SEC23B: variants seen among roughly 807,000 people sequenced by gnomAD.
SEC23B encodes protein transport protein Sec23B.
Under a neutral mutation model 104.3 loss-of-function variants are expected in SEC23B, and 77 were observed. That is an observed-to-expected ratio of 0.74 (90% CI 0.61 to 0.89). The LOEUF (loss-of-function observed/expected upper bound fraction) is 0.89. Among genes scored for constraint, SEC23B ranks in the 40% least tolerant of loss-of-function variants. SEC23B has a pLI of 0.00. For synonymous variants in SEC23B, 338 were observed against 332.5 expected, an observed-to-expected ratio of 1.02 and a Z score of -0.18; for missense variants, 885 against 949.4, an observed-to-expected ratio of 0.93 and a Z score of 0.89.
chr20:18,522,999 G>A (rs530001564), intron 4 of SEC23B, among the ~76,000 whole-genome samples: 49 of 152,066 alleles, frequency 3.2e-4, no homozygotes, highest in Non-Finnish European at 4.7e-4. Flanking sequence ...CCCAGGAGGT[G>A]GAACTTGCAG....
At chr20:18,522,492 G>A (rs2060092568) in intron 4 of SEC23B, among the ~76,000 whole-genome samples, 1 of 152,206 alleles carries the variant, frequency 6.6e-6, no homozygotes, top group Non-Finnish European at 1.5e-5. Context: ...AGAGTGAAAA[G>A]ACCACTTACC....
intron 19 of SEC23B, among the ~76,000 whole-genome samples, chr20:18,560,232 A>G (rs917044488): frequency 8.5e-5 from 13 of 152,272 alleles, no homozygotes; most frequent in Admixed American, 5.2e-4. Context: ...TGAAATATCC[A>G]TCTGTTCAGT....
chr20:18,559,081 G>C (rs913848977), intron 19 of SEC23B, among the ~76,000 whole-genome samples: 14 of 81,674 alleles, frequency 1.7e-4, no homozygotes, highest in Admixed American at 9.6e-4. Context: ...GGTGGTTGGT[G>C]GGGGGGGTGT....
chr20:18,543,006 C>G lies in SEC23B; in HGVS notation c.1512-13C>G. ...CCTAAACATAAGCATGGCACTAACT[C>G]TGGAATTGTCAGTTGGGCAGATGTA... is the stretch of plus-strand genomic sequence containing the variant. On this transcript the variant is annotated splice_polypyrimidine_tract_variant and intron_variant, in intron 13 of 19. Transcript: ENST00000650089. The G allele has an allele frequency of 6.2e-7, 1 of 1,614,084 alleles. No individual in the cohort carries two copies. The highest frequency in any genetic ancestry group is 2.2e-5 in the East Asian group (1 of 44,882).
intron 4 of SEC23B, among the ~76,000 whole-genome samples, chr20:18,521,768 C>T (rs2060086057): frequency 6.6e-6 from 1 of 152,028 alleles, no homozygotes; most frequent in African/African-American, 2.4e-5. Flanking sequence ...GGGGTGGAGA[C>T]TGAAGGAACA....
At position 18,525,081 on chromosome 20, in the gene SEC23B, G is replaced by A; in HGVS notation, c.689+61G>A. 4.4e-6 allele frequency: 6 copies of A among 1,360,808 alleles called. 1 individual carries two copies. The South Asian group carries it at 4.7e-5, about 11-fold the overall frequency. The allele number at this position is 1,360,808 out of a possible 1,614,324, so 84.3% of individuals were successfully genotyped here. The stretch of plus-strand genomic sequence containing the variant: ...ATGGACATGCAGATGATCCATGGGA[G>A]TAAGGGAAGAAAAATATTAGAATTT... On this transcript the variant is annotated intron_variant, in intron 6 of 19. Transcript: ENST00000650089.
At chr20:18,550,521 C>T (rs563044215) in intron 16 of SEC23B, among the ~76,000 whole-genome samples, 3 of 152,236 alleles carry the variant, frequency 2.0e-5, no homozygotes, top group Non-Finnish European at 2.9e-5. Context: ...TATAGGTATC[C>T]GTATTCTGTC....
chr20:18,508,716 C>CTTCT (rs759744143), intron 1 of SEC23B, among the ~76,000 whole-genome samples: 2 of 97,484 alleles, frequency 2.1e-5, no homozygotes, highest in South Asian at 3.7e-4. Context: ...GCAGTAGCTT[C>CTTCT]TTTTTTTTTT....
At chr20:18,513,361 A>G (rs1339511538) in intron 3 of SEC23B, among the ~76,000 whole-genome samples, 3 of 152,056 alleles carry the variant, frequency 2.0e-5, no homozygotes, top group Non-Finnish European at 4.4e-5. Context: ...AAAAAAAGTA[A>G]CTGTGCCTGT....
chr20:18,542,452 C>A, intron 13 of SEC23B, 50 bp downstream of exon 13: 1 of 1,456,494 alleles, frequency 6.9e-7, no homozygotes, highest in Non-Finnish European at 9.6e-7. Context: ...GACATTTTTC[C>A]CTTGAAGAGA....
At chr20:18,555,048 A>G (rs1298389000) in intron 18 of SEC23B, 60 bp from the exon 19 acceptor site, 1 of 1,459,590 alleles carries the variant, frequency 6.9e-7, no homozygotes, top group Non-Finnish European at 9.6e-7. Flanking sequence ...TTTTTCTGTT[A>G]CATTAATATT....
chr20:18,523,598 T>C (rs2060106506), intron 4 of SEC23B, among the ~76,000 whole-genome samples: 1 of 151,828 alleles, frequency 6.6e-6, no homozygotes. Flanking sequence ...AGATAGGGTT[T>C]CACCATGTTG....
chr20:18,512,400 G>T, intron 3 of SEC23B, 118 bp downstream of exon 3: 1 of 662,096 alleles, frequency 1.5e-6, no homozygotes, highest in South Asian at 1.8e-5. Context: ...CTGAACTCAG[G>T]GTGATAACTT....
In SEC23B at chr20:18,515,443, T is replaced by TG. The variant is rs1027489512; in HGVS notation, c.280-204dup. Among the ~76,000 whole-genome samples the TG allele has an allele frequency of 2.5e-4, 38 of 152,274 alleles. 1 individual carries two copies. The highest frequency in any genetic ancestry group is 3.8e-4 in the Non-Finnish European group (26 of 68,008). The stretch of plus-strand genomic sequence containing the variant: ...CTCCCACCTCAGCCTTCTGAGTAGC[T>TG]GGGACTACAGGTGTGAGCCACCACG... On this transcript the variant is annotated intron_variant, in intron 3 of 19. Coordinates refer to ENST00000650089, the MANE Select transcript of SEC23B (RefSeq NM_006363.6).
chr20:18,525,706 A>G (rs2060127592), intron 6 of SEC23B, 82 bp from the exon 7 acceptor site: 20 of 1,392,820 alleles, frequency 1.4e-5, no homozygotes, highest in Middle Eastern at 1.8e-4. Context: ...TATCTTGAAG[A>G]GCAGTAATTA....
chr20:18,550,008 A>G (rs1369489732), intron 16 of SEC23B, among the ~76,000 whole-genome samples: 2 of 148,898 alleles, frequency 1.3e-5, no homozygotes, highest in Non-Finnish European at 3.0e-5. Context: ...AATTACATAT[A>G]TAAAAATTAT....
At chr20:18,523,708 C>CTTT (rs79077915) in intron 4 of SEC23B, among the ~76,000 whole-genome samples, 1 of 139,878 alleles carries the variant, frequency 7.1e-6, no homozygotes, top group African/African-American at 2.6e-5. Flanking sequence ...CCCTCTTTTT[C>CTTT]TTTTTTTTTT....
chr20:18,520,401 T>C (rs555605282), intron 4 of SEC23B, among the ~76,000 whole-genome samples: 13 of 94,518 alleles, frequency 1.4e-4, no homozygotes, highest in Non-Finnish European at 3.3e-4. Context: ...GGGCGTGTGA[T>C]CGGTTGCCAG....
Position 18,524,293 on chromosome 20 carries a change from T to TA in SEC23B, c.367-139dup, listed in dbSNP as rs1452783811. 4 of 717,398 alleles carry TA rather than the reference T, an allele frequency of 5.6e-6. No individual in the cohort carries two copies. The Admixed American group carries it at 6.1e-5, about 11-fold the overall frequency. 44.4% of individuals were successfully genotyped at this position (717,398 alleles called of 1,614,324 possible). On this transcript the variant is annotated intron_variant, in intron 4 of 19. Coordinates refer to ENST00000650089, the MANE Select transcript of SEC23B (RefSeq NM_006363.6). ...ATAAAATCTAAGTCATTTAATAAGT[T>TA]AGAGCTTTGTATAGATGTCCTTATC...
Sources: gnomAD v4.1 joint callset for allele counts (sites outside exome capture counted in the v4.1 genomes callset) on GRCh38, gnomAD v4.1.1 for gene constraint, MANE v1.5 for transcripts, NCBI Gene and HGNC (gene_info 2026-07-23, HGNC 2026-07-21) for gene names.